Variants in MAST4 observed in about 807,000 individuals in gnomAD.
MAST4 encodes the protein microtubule associated serine/threonine kinase family member 4.
MAST4 carries 89 observed loss-of-function variants against 162.7 expected under a neutral mutation model. That is an observed-to-expected ratio of 0.55 (90% CI 0.46 to 0.65). The LOEUF (loss-of-function observed/expected upper bound fraction) is 0.65. Among genes scored for constraint, MAST4 ranks in the 30% least tolerant of loss-of-function variants. The pLI is 0.00. For missense variants in MAST4, 3,153 were observed against 3,374.0 expected (o/e 0.93, Z 1.62); for synonymous variants, 1,479 against 1,361.1 (o/e 1.09, Z -1.91).
chr5:67,068,455 A>T (rs1760512262), intron 5 of MAST4, among the ~76,000 whole-genome samples: 1 of 152,172 alleles, frequency 6.6e-6, no homozygotes, highest in South Asian at 2.1e-4. Context: ...AGGCCGTCAG[A>T]TCTTGTGAGA....
intron 21 of MAST4, among the ~76,000 whole-genome samples, 155 bp from the exon 22 acceptor site, chr5:67,144,514 G>A (rs1386446988): frequency 6.6e-6 from 1 of 151,772 alleles, no homozygotes; most frequent in Non-Finnish European, 1.5e-5. Context: ...TTCCTCTCTG[G>A]ATTCTGGTTA....
At chr5:66,949,576 T>A (rs1243094146) in intron 4 of MAST4, among the ~76,000 whole-genome samples, 1 of 152,168 alleles carries the variant, frequency 6.6e-6, no homozygotes, top group Non-Finnish European at 1.5e-5. Flanking sequence ...TCTTTATAAA[T>A]TACCCAGTCT....
Position 66,788,742 on chromosome 5 carries a change from G to T in MAST4, c.590G>T (p.Arg197Leu). ...PASAETSNLVRMRSQALGQSA... is the reference protein window; with the variant it reads ...PASAETSNLVLMRSQALGQSA... ...TCTGCAGAGACGTCCAACCTCGTGC[G>T]CATGCGCAGCCAGGCCCTGGGCCAG... Residue 197 changes from arginine to leucine, a missense_variant, in exon 3 of 29, where the codon CGC becomes CTC. Arg to Leu is a moderately radical substitution (Grantham distance 102). Around this residue, in one of 7 missense-constraint regions of MAST4, gnomAD observed 327 missense variants for 336.5 expected, o/e 0.97. Transcript: ENST00000403625. The T allele has an allele frequency of 6.2e-7, 1 of 1,612,442 alleles. No individual in the cohort carries two copies. Among genetic ancestry groups the T allele is most frequent in the Non-Finnish European group, 8.5e-7 (1 of 1,179,138 alleles).
In MAST4 at chr5:67,164,915, A is replaced by C. The variant is rs760418109; in HGVS notation, c.5736A>C (p.Thr1912=). The change falls in exon 29 of 29, where the codon ACA becomes ACC. Residue 1912 remains threonine, a synonymous_variant. Transcript: ENST00000403625. The surrounding 1 kb of genome is among the most constrained non-coding windows in gnomAD (Gnocchi z 5.3). ...ATCCTACTGCCAGGAGCCCTGGAAC[A>C]GTCATGGAAAGCAATCCCCAACAGA... ...GPHPTARSPG[T]VMESNPQQRE... is the part of the protein sequence containing the mutation. 1.9e-6 allele frequency: 3 copies of C among 1,613,886 alleles called. No individual in the cohort carries two copies. The Admixed American group carries it at 5.0e-5, about 27-fold the overall frequency.
At chr5:67,091,263 T>C (rs1352575456) in intron 6 of MAST4, among the ~76,000 whole-genome samples, 1 of 152,232 alleles carries the variant, frequency 6.6e-6, no homozygotes, top group African/African-American at 2.4e-5. Context: ...TTTTCAGAGT[T>C]CTGTGTAATT....
chr5:66,748,794 A>G (rs1473475987), intron 1 of MAST4, among the ~76,000 whole-genome samples: 3 of 151,802 alleles, frequency 2.0e-5, no homozygotes, highest in Non-Finnish European at 4.4e-5. Flanking sequence ...GGCTGGGACC[A>G]TTTCTTACAG....
chr5:66,740,200 G>C (rs1396250124), intron 1 of MAST4, among the ~76,000 whole-genome samples: 2 of 152,188 alleles, frequency 1.3e-5, no homozygotes, highest in African/African-American at 4.8e-5. Context: ...AGCATTAGAG[G>C]CTGATGTAAA....
chr5:66,989,727 A>T (rs932091382), intron 4 of MAST4, among the ~76,000 whole-genome samples: 55 of 152,322 alleles, frequency 3.6e-4, no homozygotes, highest in African/African-American at 1.3e-3. Context: ...TCAATCCAAG[A>T]AGAATAAAAC....
intron 6 of MAST4, 92 bp downstream of exon 6, chr5:67,090,323 T>TCCCCACTTCTC (rs1561638864): frequency 3.4e-6 from 2 of 580,994 alleles, no homozygotes; most frequent in Non-Finnish European, 2.7e-6. Context: ...CCCCACTTCT[T>TCCCCACTTCTC]CCCGTCCCCA....
intron 5 of MAST4, among the ~76,000 whole-genome samples, chr5:67,088,816 GCTGT>G (rs534372953): frequency 2.6e-5 from 4 of 152,192 alleles, no homozygotes; most frequent in East Asian, 1.9e-4. Context: ...CTGTGATTGT[GCTGT>G]CTGTCTTAAA....
rs1742209574 is a variant in MAST4 at position 66,596,843 on chromosome 5, C to T, written c.188C>T (p.Pro63Leu). Reference protein sequence around the residue: ...EPGGFSREHQPPPPPPLGGTL... With the variant: ...EPGGFSREHQLPPPPPLGGTL... ...GGCGGCTTCTCCAGAGAGCATCAGCCGCCGCCGCCGCCGCCGTTGGGAGGC... is the reference window on the plus strand; with the variant it reads ...GGCGGCTTCTCCAGAGAGCATCAGCTGCCGCCGCCGCCGCCGTTGGGAGGC... The change falls in exon 1 of 29, where the codon CCG becomes CTG. Residue 63 changes from proline to leucine, a missense_variant. Pro to Leu is a moderately conservative substitution (Grantham distance 98). Coordinates refer to ENST00000403625, the MANE Select transcript of MAST4 (RefSeq NM_001164664.2). The T allele has an allele frequency of 3.1e-6, 4 of 1,278,986 alleles. No homozygotes were observed. Among genetic ancestry groups the T allele is most frequent in the East Asian group, 6.3e-5 (2 of 31,662 alleles). 79.2% of individuals were successfully genotyped at this position (1,278,986 alleles called of 1,614,324 possible). A position where few individuals can be genotyped will look rare whatever the true frequency, so the allele number is the denominator to read the frequency against.
Position 67,166,257 on chromosome 5 carries a change from C to G in MAST4, c.7078C>G (p.Gln2360Glu), listed in dbSNP as rs1453034238. 2 of 1,553,220 alleles carry G rather than the reference C, an allele frequency of 1.3e-6. No individual in the cohort carries two copies. The highest frequency in any genetic ancestry group is 2.4e-5 in the East Asian group (1 of 41,024). The stretch of plus-strand genomic sequence containing the variant: ...CAGACAGACAGACAAAAGCCCGAGT[C>G]AGCCGGCCGCCAACACCGACAGAAG... ...DNRQTDKSPS[Q>E]PAANTDRRAE... Residue 2360 changes from glutamine (Q) to glutamate (E), a missense_variant, in exon 29 of 29, where the codon CAG (glutamine) becomes GAG (glutamate). Transcript: ENST00000403625.
intron 3 of MAST4, among the ~76,000 whole-genome samples, chr5:66,827,150 A>G (rs1757302548): frequency 6.6e-6 from 1 of 152,220 alleles, no homozygotes; most frequent in South Asian, 2.1e-4. Context: ...CCTTTGATTT[A>G]AACAAAAAAC....
At chr5:67,081,785 T>C (rs1762683913) in intron 5 of MAST4, among the ~76,000 whole-genome samples, 1 of 152,216 alleles carries the variant, frequency 6.6e-6, no homozygotes, top group Admixed American at 6.5e-5. Context: ...TTTGTGAAAA[T>C]AAAATTTCTA....
chr5:66,892,919 C>T (rs566922215), intron 3 of MAST4, among the ~76,000 whole-genome samples: 16 of 152,264 alleles, frequency 1.1e-4, no homozygotes, highest in South Asian at 4.1e-4. Context: ...AGCTTATAGA[C>T]GCAGTTTATG....
At chr5:66,615,260 G>A (rs1308531257) in intron 1 of MAST4, among the ~76,000 whole-genome samples, 1 of 152,126 alleles carries the variant, frequency 6.6e-6, no homozygotes, top group African/African-American at 2.4e-5. Flanking sequence ...AAACCTTTTG[G>A]TGGCAGCATG....
intron 4 of MAST4, among the ~76,000 whole-genome samples, chr5:67,025,899 T>C (rs12188585): frequency 0.041 from 6,234 of 152,286 alleles, 183 homozygotes; most frequent in Non-Finnish European, 0.063. Flanking sequence ...GGAGTCTGTA[T>C]CTGTCAGCAT....
rs200030700 is a variant in MAST4 at position 66,624,146 on chromosome 5, G to GTTTTTTTTTTTTTT, written c.363+27138_363+27151dup. Among the ~76,000 whole-genome samples the GTTTTTTTTTTTTTT allele has an allele frequency of 5.4e-4, 49 of 90,118 alleles. 5 individuals are homozygous for GTTTTTTTTTTTTTT. Among genetic ancestry groups the GTTTTTTTTTTTTTT allele is most frequent in the Non-Finnish European group, 8.6e-4 (43 of 50,018 alleles). The allele number at this position is 90,118 out of a possible 152,430, so 59.1% of individuals were successfully genotyped here. A position where few individuals can be genotyped will look rare whatever the true frequency, so the allele number is the denominator to read the frequency against. ...TTGGAAGAATTAATATTGTTAAAAT[G>GTTTTTTTTTTTTTT]TTTTTTTTTTTTTTTTTTTTTTTGA... On this transcript the variant is annotated intron_variant, in intron 1 of 28. Coordinates refer to ENST00000403625, the MANE Select transcript of MAST4 (RefSeq NM_001164664.2).
In MAST4 at chr5:67,165,219, A is replaced by C; in HGVS notation, c.6040A>C (p.Asn2014His). 6.2e-7 allele frequency: 1 copy of C among 1,611,552 alleles called. No individual in the cohort carries two copies. The highest frequency in any genetic ancestry group is 8.5e-7 in the Non-Finnish European group (1 of 1,178,912). ...TGCGAAAACCAGTGACAACTCCAAA[A>C]ATCTCCTCTCTGTGGGAAGGACCCA... ...ETAKTSDNSKNLLSVGRTHPD... is the reference protein window; with the variant it reads ...ETAKTSDNSKHLLSVGRTHPD... Residue 2014 changes from asparagine (N) to histidine (H), a missense_variant, in exon 29 of 29, where the codon AAT (asparagine) becomes CAT (histidine). Physicochemically the swap from Asn to His is moderately conservative, Grantham distance 68. Around this residue, in one of 7 missense-constraint regions of MAST4, gnomAD observed 1,644 missense variants for 1,495.0 expected, o/e 1.10. Transcript: ENST00000403625.
Sources: allele counts gnomAD v4.1 joint callset (sites outside exome capture counted in the v4.1 genomes callset), GRCh38; gene constraint gnomAD v4.1.1; regional missense constraint gnomAD v4.1.1; non-coding constraint Gnocchi (gnomAD v3.1); transcripts MANE v1.5; gene names NCBI Gene and HGNC (gene_info 2026-07-23, HGNC 2026-07-21).